ERCC3: variants seen among roughly 807,000 people sequenced by gnomAD.
ERCC3 encodes general transcription and DNA repair factor IIH helicase/translocase subunit XPB.
Under a neutral mutation model 94.2 loss-of-function variants are expected in ERCC3, and 66 were observed. The ratio of observed to expected loss-of-function variants is 0.70; its 90% CI spans 0.57 to 0.86. The LOEUF (loss-of-function observed/expected upper bound fraction) is 0.86, where lower values mean the gene tolerates loss of function less well. Ranked by LOEUF, ERCC3 falls within the 40% of genes least tolerant of loss-of-function variation. The probability of loss-of-function intolerance (pLI) is 0.00; values close to 1 mark genes in which losing one functional copy is unlikely to be tolerated. For synonymous variants in ERCC3, 349 were observed against 369.1 expected, an observed-to-expected ratio of 0.95 and a Z score of 0.63; for missense variants, 829 against 987.1, an observed-to-expected ratio of 0.84 and a Z score of 2.15.
In ERCC3 at chr2:127,291,450, G is replaced by T. The variant is rs1685267946; in HGVS notation, c.471+1160C>A. On this transcript the variant is annotated intron_variant, in intron 3 of 14. Coordinates refer to ENST00000285398, the MANE Select transcript of ERCC3 (RefSeq NM_000122.2). The surrounding 1 kb of genome is among the most constrained non-coding windows in gnomAD (Gnocchi z 4.9). Reference sequence around the variant, plus strand: ...AATTTTTGTATTTTTAGTAGAGACAGGAATTTCGCCATGTTGGCCAGGCTG... The same window carrying T: ...AATTTTTGTATTTTTAGTAGAGACATGAATTTCGCCATGTTGGCCAGGCTG... Among the ~76,000 whole-genome samples, 3 of 152,162 alleles carry T rather than the reference G, an allele frequency of 2.0e-5. No individual in the cohort carries two copies.
chr2:127,257,846 A>T lies in ERCC3; in HGVS notation c.2218-119T>A. ...ACATAAATTTAATACATCATTTTTA[A>T]TAATGTTTACAGATCGCTTACTGTC... On this transcript the variant is annotated intron_variant, in intron 14 of 14. Transcript: ENST00000285398. The surrounding 1 kb of genome is among the most constrained non-coding windows in gnomAD (Gnocchi z 5.4). The T allele has an allele frequency of 8.5e-7, 1 of 1,174,214 alleles. No individual in the cohort carries two copies. Among genetic ancestry groups the T allele is most frequent in the Non-Finnish European group, 1.2e-6 (1 of 806,026 alleles). The allele number at this position is 1,174,214 out of a possible 1,614,324, so 72.7% of individuals were successfully genotyped here.
chr2:127,262,519 G>C (rs529235613), intron 12 of ERCC3: 1 of 152,312 alleles, frequency 6.6e-6, no homozygotes, highest in East Asian at 1.9e-4. Flanking sequence ...AAAACATTAT[G>C]CTAAGTGAAA....
Position 127,289,344 on chromosome 2 carries a change from A to C in ERCC3, c.815T>G (p.Val272Gly). 6.2e-7 allele frequency: 1 copy of C among 1,613,778 alleles called. No homozygotes were observed. Among genetic ancestry groups the C allele is most frequent in the Non-Finnish European group, 8.5e-7 (1 of 1,179,976 alleles). ...EEETQTVSFE[V>G]KQEMIEELQK... is the part of the protein sequence containing the mutation. ...GAAGGTACATTCACTAACCTGCTTG[A>C]CTTCAAAAGACACTGTCTGTGTCTC... The change falls in exon 6 of 15, where the codon GTC becomes GGC. Residue 272 changes from valine to glycine, a missense_variant. Physicochemically the swap from Val to Gly is moderately radical, Grantham distance 109 (BLOSUM62 -3). Coordinates refer to ENST00000285398, the MANE Select transcript of ERCC3 (RefSeq NM_000122.2).
At position 127,290,257 on chromosome 2, in the gene ERCC3, T is replaced by G; in HGVS notation, c.488A>C (p.Tyr163Ser). The change falls in exon 4 of 15, where the codon TAT (tyrosine) becomes TCT (serine). Residue 163 changes from tyrosine to serine, a missense_variant. By Grantham distance (144) the Tyr-to-Ser change is moderately radical. Coordinates refer to ENST00000285398, the MANE Select transcript of ERCC3 (RefSeq NM_000122.2). ...MQFIKLCTVSYGKVKLVLKHN... is the reference protein window; with the variant it reads ...MQFIKLCTVSSGKVKLVLKHN... ...CTTCAAGACCAGCTTGACTTTTCCA[T>G]AGCTGACAGTACACAACTGCAAATA... The G allele has an allele frequency of 1.2e-6, 2 of 1,613,862 alleles. No homozygotes were observed. Among genetic ancestry groups the G allele is most frequent in the Non-Finnish European group, 1.7e-6 (2 of 1,179,726 alleles).
intron 3 of ERCC3, chr2:127,290,751 G>A (rs1304156825): frequency 3.9e-6 from 1 of 253,976 alleles, no homozygotes; most frequent in Non-Finnish European, 7.7e-6. Flanking sequence ...CCACCTTTAG[G>A]AAGGAATACA....
chr2:127,292,802 G>A lies in ERCC3; in HGVS notation c.279C>T (p.Tyr93=), dbSNP rs146938627. The A allele has an allele frequency of 1.0e-4, 162 of 1,613,642 alleles. No homozygotes were observed. The highest frequency in any genetic ancestry group is 1.3e-4 in the Non-Finnish European group (159 of 1,179,976). Residue 93 remains tyrosine (Y), a synonymous_variant, in exon 3 of 15, where the codon TAC becomes TAT. Transcript: ENST00000285398. ...HIFLEAFSPV[Y]KYAQDFLVAI... Reference sequence around the variant, plus strand: ...CCACCAAGAAGTCTTGGGCATATTTGTAAACTGGAGAGAAGGCTTCCAAGA... The same window carrying A: ...CCACCAAGAAGTCTTGGGCATATTTATAAACTGGAGAGAAGGCTTCCAAGA...
Position 127,257,436 on chromosome 2 carries a change from C to A in ERCC3, c.*160G>T. 1 of 883,548 alleles carries A rather than the reference C, an allele frequency of 1.1e-6. No homozygotes were observed. The highest frequency in any genetic ancestry group is 1.9e-6 in the Non-Finnish European group (1 of 519,388). The allele number at this position is 883,548 out of a possible 1,614,324, so 54.7% of individuals were successfully genotyped here. A position where few individuals can be genotyped will look rare whatever the true frequency, so the allele number is the denominator to read the frequency against. On this transcript the variant is annotated 3_prime_UTR_variant, in exon 15 of 15. Coordinates refer to ENST00000285398, the MANE Select transcript of ERCC3 (RefSeq NM_000122.2). This position sits in a 1 kb window ranked among gnomAD's most constrained non-coding sequence, Gnocchi z 5.4. ...TCCTCCTTTATAAAACCCTAGATGA[C>A]CTATGAAGGCACAGCCAAGCCCTTG...
At chr2:127,268,240 C>CA (rs1283149920) in intron 12 of ERCC3, among the ~76,000 whole-genome samples, 5 of 151,934 alleles carry the variant, frequency 3.3e-5, no homozygotes, top group Non-Finnish European at 7.4e-5. Context: ...AGGTGTGAGC[C>CA]ACCGCGCCTG....
At position 127,259,361 on chromosome 2, in the gene ERCC3, C is replaced by A; in HGVS notation, c.2152G>T (p.Ala718Ser). Residue 718 changes from alanine (A) to serine (S), a missense_variant, in exon 14 of 15, where the codon GCA becomes TCA. Ala to Ser is a moderately conservative substitution (Grantham distance 99, BLOSUM62 1). Transcript: ENST00000285398. This position sits in a 1 kb window ranked among gnomAD's most constrained non-coding sequence, Gnocchi z 4.9. ...TCCTCGGCATCCAGGTCAGTGGCTG[C>A]CAGGACTTTCTGTAAGAGCTGCTGT... ...EQQQLLQKVL[A>S]ATDLDAEEEV... The A allele has an allele frequency of 6.2e-7, 1 of 1,614,176 alleles. No individual in the cohort carries two copies. The highest frequency in any genetic ancestry group is 8.5e-7 in the Non-Finnish European group (1 of 1,180,026).
rs1220554914 is a variant in ERCC3 at position 127,280,570 on chromosome 2, C to T, written c.1404G>A (p.Ala468=). The T allele has an allele frequency of 3.1e-6, 5 of 1,614,198 alleles. No individual in the cohort carries two copies. Among genetic ancestry groups the T allele is most frequent in the Non-Finnish European group, 4.2e-6 (5 of 1,180,020 alleles). Residue 468 remains alanine, a synonymous_variant, in exon 9 of 15, where the codon GCG becomes GCA. Coordinates refer to ENST00000285398, the MANE Select transcript of ERCC3 (RefSeq NM_000122.2). The surrounding 1 kb of genome is among the most constrained non-coding windows in gnomAD (Gnocchi z 6.3). ...TTTTGTCATCTTCGCGGACGAGGGTCGCAGTCAAACCCAGCTTACAGTGGG... is the reference window on the plus strand; with the variant it reads ...TTTTGTCATCTTCGCGGACGAGGGTTGCAGTCAAACCCAGCTTACAGTGGG... ...VQAHCKLGLT[A]TLVREDDKIV...
chr2:127,281,896 G>A (rs1401658581), intron 8 of ERCC3, among the ~76,000 whole-genome samples: 1 of 152,126 alleles, frequency 6.6e-6, no homozygotes, highest in Non-Finnish European at 1.5e-5. Flanking sequence ...AGAGGGAAAT[G>A]GTAGTCAAGG....
At chr2:127,293,787 C>A (rs1396904926) in intron 1 of ERCC3, 69 bp from the exon 2 acceptor site, 2 of 1,601,780 alleles carry the variant, frequency 1.2e-6, no homozygotes, top group South Asian at 1.1e-5. Context: ...CGCTTGGCAG[C>A]ATTTCACCTG....
In ERCC3 at chr2:127,258,498, G is replaced by A. The variant is rs1046184188; in HGVS notation, c.2218-771C>T. Among the ~76,000 whole-genome samples the A allele has an allele frequency of 3.9e-5, 6 of 152,294 alleles. No individual in the cohort carries two copies. Among genetic ancestry groups the A allele is most frequent in the East Asian group, 1.9e-4 (1 of 5,176 alleles). On this transcript the variant is annotated intron_variant, in intron 14 of 14. Coordinates refer to ENST00000285398, the MANE Select transcript of ERCC3 (RefSeq NM_000122.2). This position sits in a 1 kb window ranked among gnomAD's most constrained non-coding sequence, Gnocchi z 4.1. ...TCCTTAAAACCAGTGAGAGCAATGA[G>A]AGCACTCTCCTGGGTTCCCATGGAG...
rs544473478 is a variant in ERCC3 at position 127,279,863 on chromosome 2, T to C, written c.1528-488A>G. Among the ~76,000 whole-genome samples, 2 of 152,330 alleles carry C rather than the reference T, an allele frequency of 1.3e-5. No homozygotes were observed. Among genetic ancestry groups the C allele is most frequent in the South Asian group, 4.1e-4 (2 of 4,820 alleles). On this transcript the variant is annotated intron_variant, in intron 9 of 14. Coordinates refer to ENST00000285398, the MANE Select transcript of ERCC3 (RefSeq NM_000122.2). The surrounding 1 kb of genome is among the most constrained non-coding windows in gnomAD (Gnocchi z 4.7). ...ATACCTCCTATTGAACTGGACGTTT[T>C]CACATGTTAACCACTTAAAAGATTT...
intron 12 of ERCC3, among the ~76,000 whole-genome samples, chr2:127,266,256 T>C (rs1417521433): frequency 2.6e-5 from 4 of 151,168 alleles, no homozygotes; most frequent in African/African-American, 9.8e-5. Context: ...TTCTTCCTGG[T>C]ACTGATTTCT....
rs553418576 is a variant in ERCC3 at position 127,285,441 on chromosome 2, A to C, written c.1342+1262T>G. Among the ~76,000 whole-genome samples, 5 of 152,284 alleles carry C rather than the reference A, an allele frequency of 3.3e-5. No homozygotes were observed. The South Asian group carries it at 1.0e-3, about 32-fold the overall frequency. On this transcript the variant is annotated intron_variant, in intron 8 of 14. Transcript: ENST00000285398. ...CCAGGTGTGGTACTTTACGCCTGTA[A>C]TCCCAGGGTGAGGCTGAGGTGGGCG... is the stretch of plus-strand genomic sequence containing the variant.
chr2:127,293,271 C>A (rs1685340468), intron 2 of ERCC3, among the ~76,000 whole-genome samples: 2 of 152,178 alleles, frequency 1.3e-5, no homozygotes, highest in South Asian at 4.1e-4. Flanking sequence ...TGGGGTAGGG[C>A]TGGGGAAGGA....
At chr2:127,283,136 C>CG (rs1198171203) in intron 8 of ERCC3, among the ~76,000 whole-genome samples, 1 of 94,786 alleles carries the variant, frequency 1.1e-5, no homozygotes, top group African/African-American at 4.4e-5. Context: ...TGACTTGGGG[C>CG]GGGGGGTGGG....
In ERCC3 at chr2:127,259,354, G is replaced by C. The variant is rs780327353; in HGVS notation, c.2159C>G (p.Thr720Ser). The change falls in exon 14 of 15, where the codon ACT becomes AGT. Residue 720 changes from threonine (T) to serine (S), a missense_variant. Thr to Ser is a moderately conservative substitution (Grantham distance 58). Coordinates refer to ENST00000285398, the MANE Select transcript of ERCC3 (RefSeq NM_000122.2). This position sits in a 1 kb window ranked among gnomAD's most constrained non-coding sequence, Gnocchi z 4.9. The part of the protein sequence containing the change: ...QQLLQKVLAA[T>S]DLDAEEEVVA... Reference sequence around the variant, plus strand: ...CACCTCCTCCTCGGCATCCAGGTCAGTGGCTGCCAGGACTTTCTGTAAGAG... The same window carrying C: ...CACCTCCTCCTCGGCATCCAGGTCACTGGCTGCCAGGACTTTCTGTAAGAG... The C allele has an allele frequency of 8.1e-6, 13 of 1,614,076 alleles. No individual in the cohort carries two copies. The African/African-American group carries it at 9.3e-5, about 12-fold the overall frequency.
Sources: allele counts gnomAD v4.1 joint callset (sites outside exome capture counted in the v4.1 genomes callset), GRCh38; gene constraint gnomAD v4.1.1; non-coding constraint Gnocchi (gnomAD v3.1); transcripts MANE v1.5; gene names NCBI Gene and HGNC (gene_info 2026-07-23, HGNC 2026-07-21).